The following NKAIN2 variants were observed in gnomAD, a reference collection of about 807,000 sequenced individuals.
NKAIN2 encodes the protein sodium/potassium transporting ATPase interacting 2.
A neutral mutation model predicts 32.6 loss-of-function variants in NKAIN2; 14 were observed. The ratio of observed to expected loss-of-function variants is 0.43; its 90% CI spans 0.28 to 0.67. The LOEUF is 0.67. Among genes scored for constraint, NKAIN2 ranks in the 30% least tolerant of loss-of-function variants. The pLI is 0.17. For synonymous variants in NKAIN2, 80 were observed against 87.2 expected (o/e 0.92, Z 0.46); for missense variants, 198 against 258.3 (o/e 0.77, Z 1.60).
chr6:124,652,381 A>G (rs1415052831), intron 3 of NKAIN2, among the ~76,000 whole-genome samples: 2 of 152,216 alleles, frequency 1.3e-5, no homozygotes, highest in Non-Finnish European at 2.9e-5. Context: ...AGTTTTCACC[A>G]GAATCGTCTG....
intron 3 of NKAIN2, among the ~76,000 whole-genome samples, chr6:124,403,982 A>G (rs953729134): frequency 2.6e-5 from 4 of 152,172 alleles, no homozygotes; most frequent in Non-Finnish European, 5.9e-5. Context: ...TAACTTTTCT[A>G]TCTAAAGCAC....
At chr6:124,421,106 T>C (rs1305447752) in intron 3 of NKAIN2, among the ~76,000 whole-genome samples, 1 of 150,236 alleles carries the variant, frequency 6.7e-6, no homozygotes, top group African/African-American at 2.4e-5. Context: ...ATGTTTTCTC[T>C]CAGTTGGACC....
chr6:124,408,969 G>T (rs1562163831), intron 3 of NKAIN2, among the ~76,000 whole-genome samples: 1 of 152,196 alleles, frequency 6.6e-6, no homozygotes, highest in African/African-American at 2.4e-5. Context: ...ATTGTGAATG[G>T]GAGTTCACTC....
chr6:123,973,870 A>T (rs1778440934), intron 1 of NKAIN2, among the ~76,000 whole-genome samples: 1 of 152,130 alleles, frequency 6.6e-6, no homozygotes, highest in Non-Finnish European at 1.5e-5. Context: ...TGAAAAATGA[A>T]GGAAAGCTAT....
intron 1 of NKAIN2, among the ~76,000 whole-genome samples, chr6:124,212,847 A>T (rs1791260270): frequency 6.6e-6 from 1 of 152,122 alleles, no homozygotes; most frequent in South Asian, 2.1e-4. Context: ...ATTAGACTCA[A>T]AATGATGCAA....
intron 1 of NKAIN2, among the ~76,000 whole-genome samples, chr6:124,002,399 A>T (rs1302115115): frequency 1.3e-5 from 2 of 152,136 alleles, no homozygotes; most frequent in East Asian, 3.9e-4. Flanking sequence ...ATTACAAAGA[A>T]CTAAGTCCTC....
chr6:124,778,410 A>G (rs1779081120), intron 4 of NKAIN2, among the ~76,000 whole-genome samples: 1 of 150,952 alleles, frequency 6.6e-6, no homozygotes, highest in Admixed American at 6.6e-5. Context: ...CTTTTTTGAT[A>G]TTTGACAAAT....
intron 1 of NKAIN2, among the ~76,000 whole-genome samples, chr6:123,849,030 A>G (rs1775205831): frequency 6.6e-6 from 1 of 152,202 alleles, no homozygotes; most frequent in South Asian, 2.1e-4. Context: ...TGAATAAGCT[A>G]TAAGCCCATT....
At chr6:124,097,989 C>A (rs1354502659) in intron 1 of NKAIN2, among the ~76,000 whole-genome samples, 1 of 151,932 alleles carries the variant, frequency 6.6e-6, no homozygotes, top group Non-Finnish European at 1.5e-5. Context: ...TTATTTTTCC[C>A]AAGTTAGTCA....
intron 4 of NKAIN2, among the ~76,000 whole-genome samples, chr6:124,739,533 T>A (rs988431013): frequency 6.6e-6 from 1 of 151,886 alleles, no homozygotes; most frequent in Non-Finnish European, 1.5e-5. Context: ...CATCAAGAGA[T>A]GTTACCTGAT....
intron 1 of NKAIN2, among the ~76,000 whole-genome samples, chr6:123,864,739 A>G (rs1172165792): frequency 6.6e-6 from 1 of 152,180 alleles, no homozygotes; most frequent in East Asian, 1.9e-4. Flanking sequence ...ATTTTAAAAT[A>G]TATTAAGAAT....
At chr6:124,776,591 G>T (rs963762115) in intron 4 of NKAIN2, among the ~76,000 whole-genome samples, 1 of 152,150 alleles carries the variant, frequency 6.6e-6, no homozygotes, top group African/African-American at 2.4e-5. Flanking sequence ...CTTACAAATA[G>T]CTAAAGCTCT....
At chr6:124,489,963 A>T (rs1777797162) in intron 3 of NKAIN2, among the ~76,000 whole-genome samples, 1 of 151,884 alleles carries the variant, frequency 6.6e-6, no homozygotes, top group Admixed American at 6.6e-5. Flanking sequence ...ATAATTATAC[A>T]AGAACTGAAA....
At chr6:124,789,135 T>C (rs1191662866) in intron 4 of NKAIN2, among the ~76,000 whole-genome samples, 1 of 152,050 alleles carries the variant, frequency 6.6e-6, no homozygotes, top group Non-Finnish European at 1.5e-5. Flanking sequence ...AGCTGCATTC[T>C]GGGAGAGTAC....
At chr6:124,215,025 C>T (rs1257365114) in intron 1 of NKAIN2, among the ~76,000 whole-genome samples, 1 of 151,826 alleles carries the variant, frequency 6.6e-6, no homozygotes, top group Non-Finnish European at 1.5e-5. Context: ...GAAACAAACT[C>T]ACAGAAAAGA....
At chr6:124,800,636 T>C (rs1054350703) in intron 5 of NKAIN2, among the ~76,000 whole-genome samples, 1 of 152,210 alleles carries the variant, frequency 6.6e-6, no homozygotes, top group African/African-American at 2.4e-5. Flanking sequence ...AAAATCTTAC[T>C]TAAAACATTT....
intron 1 of NKAIN2, among the ~76,000 whole-genome samples, chr6:124,012,320 T>G (rs2114738066): frequency 6.7e-6 from 1 of 150,052 alleles, no homozygotes; most frequent in East Asian, 2.0e-4. Context: ...GCATGGCTTC[T>G]TTCACTCTAC....
chr6:124,422,881 T>C (rs1774819560), intron 3 of NKAIN2, among the ~76,000 whole-genome samples: 1 of 152,244 alleles, frequency 6.6e-6, no homozygotes, highest in Admixed American at 6.5e-5. Context: ...GTATTTGCGA[T>C]GAGTTCCTCA....
intron 1 of NKAIN2, among the ~76,000 whole-genome samples, chr6:124,198,907 T>TTATCTGGCC (rs1183584146): frequency 6.6e-6 from 1 of 152,144 alleles, no homozygotes; most frequent in Admixed American, 6.5e-5. Context: ...ATTTTGTAGG[T>TTATCTGGCC]TATCTGGCCT....
Sources: allele counts gnomAD v4.1 joint callset (sites outside exome capture counted in the v4.1 genomes callset), GRCh38; gene constraint gnomAD v4.1.1; transcripts MANE v1.5; gene names NCBI Gene and HGNC (gene_info 2026-07-23, HGNC 2026-07-21).